SCAF11: variants seen among roughly 807,000 people sequenced by gnomAD.
The protein encoded by SCAF11 is protein SCAF11.
In SCAF11, 47 loss-of-function variants were observed where a neutral mutation model predicts 140.5. The ratio of observed to expected loss-of-function variants is 0.33; its 90% CI spans 0.26 to 0.43. SCAF11 has a LOEUF of 0.43. Among genes scored for constraint, SCAF11 ranks in the 20% least tolerant of loss-of-function variants. The probability of loss-of-function intolerance (pLI) is 1.00; values close to 1 mark genes in which losing one functional copy is unlikely to be tolerated. For synonymous variants in SCAF11, 557 were observed against 579.4 expected (o/e 0.96, Z 0.55); for missense variants, 1,645 against 1,705.1 (o/e 0.96, Z 0.62).
At chr12:45,961,308 C>T (rs899177630) in intron 3 of SCAF11, 13 of 715,396 alleles carry the variant, frequency 1.8e-5, no homozygotes, top group Non-Finnish European at 3.4e-5. Flanking sequence ...ATCAAATAAC[C>T]TATGTGAAAA....
chr12:45,934,638 T>A, intron 6 of SCAF11, 133 bp from the exon 7 acceptor site: 1 of 511,194 alleles, frequency 2.0e-6, no homozygotes, highest in South Asian at 4.8e-5. Flanking sequence ...TAATACACAA[T>A]TTTTTACACA....
chr12:45,991,920 G>T, upstream of SCAF11: 5 of 1,287,510 alleles, frequency 3.9e-6, no homozygotes, highest in Non-Finnish European at 5.1e-6. Flanking sequence ...GCGCTCACAC[G>T]TTTTCCTGTC....
intron 9 of SCAF11, among the ~76,000 whole-genome samples, chr12:45,931,994 T>C (rs773916257): frequency 1.3e-5 from 2 of 152,110 alleles, no homozygotes; most frequent in Non-Finnish European, 2.9e-5. Context: ...CAACATAAAA[T>C]GCAGACTTTA....
chr12:45,970,189 C>T (rs1304864116), intron 1 of SCAF11, among the ~76,000 whole-genome samples: 2 of 152,098 alleles, frequency 1.3e-5, no homozygotes, highest in East Asian at 1.9e-4. Context: ...CCACCGCGCC[C>T]GGCCTCAACT....
Position 45,926,832 on chromosome 12 carries a change from T to C in SCAF11, c.2869A>G (p.Ile957Val), listed in dbSNP as rs1944878184. Reference protein sequence around the residue: ...TKSKSSSFGRIDRDSYSPRWK... With the variant: ...TKSKSSSFGRVDRDSYSPRWK... ...CGGGGAGAGTAACTATCTCTGTCAA[T>C]TCTACCAAATGATGAACTCTTACTT... The change falls in exon 11 of 15, where the codon ATT becomes GTT. Residue 957 changes from isoleucine to valine, a missense_variant. Around this residue, in one of 2 missense-constraint regions of SCAF11, gnomAD observed 1,582 missense variants for 1,609.2 expected, o/e 0.98. Transcript: ENST00000369367. 2.5e-6 allele frequency: 4 copies of C among 1,614,186 alleles called. No individual in the cohort carries two copies. Among genetic ancestry groups the C allele is most frequent in the Non-Finnish European group, 3.4e-6 (4 of 1,180,032 alleles).
rs1945420845 is a variant in SCAF11, at chr12:45,946,248, G to A, written c.399-935C>T. ...TGGTAAAAAGTATCAGAAACAGAGA[G>A]GTCCCAGGGTTTTATTGCTTTGGAA... On this transcript the variant is annotated intron_variant, in intron 5 of 14. Transcript: ENST00000369367. Among the ~76,000 whole-genome samples, 6 of 152,130 alleles carry A rather than the reference G, an allele frequency of 3.9e-5. No homozygotes were observed. The South Asian group carries it at 1.2e-3, about 32-fold the overall frequency.
Position 45,922,463 on chromosome 12 carries a change from T to A in SCAF11, c.4245A>T (p.Lys1415Asn). The A allele has an allele frequency of 1.9e-6, 3 of 1,600,512 alleles. No individual in the cohort carries two copies. Among genetic ancestry groups the A allele is most frequent in the Non-Finnish European group, 2.5e-6 (3 of 1,177,602 alleles). ...ATACTCCACTAAAGCCATAACTTAC[T>A]TTATCTACTGCTTTCCGTACAATTT... ...YKEIVRKAVD[K>N]VCHSKSGEVN... Residue 1415 changes from lysine (K) to asparagine (N), a missense_variant and splice_region_variant, in exon 14 of 15, where the codon AAA becomes AAT. Coordinates refer to ENST00000369367, the MANE Select transcript of SCAF11 (RefSeq NM_004719.3).
intron 3 of SCAF11, chr12:45,954,943 T>TA (rs1945649323): frequency 6.6e-6 from 1 of 151,216 alleles, no homozygotes; most frequent in Admixed American, 6.6e-5. Context: ...CCCCCCCTTT[T>TA]TTTTCCTTAA....
At position 45,961,229 on chromosome 12, in the gene SCAF11, T is replaced by G. The variant is rs1945817682; in HGVS notation, c.219+471A>C. On this transcript the variant is annotated intron_variant, in intron 3 of 14. Transcript: ENST00000369367. ...CATAGAACATAAAATCCAAGTTTCC[T>G]CATCTGTAAAATGGAAGGACACTAT... 1.0e-5 allele frequency: 7 copies of G among 681,880 alleles called. No individual in the cohort carries two copies. The Admixed American group carries it at 1.2e-4, about 11-fold the overall frequency. 42.2% of individuals were successfully genotyped at this position (681,880 alleles called of 1,614,324 possible). A position where few individuals can be genotyped will look rare whatever the true frequency, so the allele number is the denominator to read the frequency against.
chr12:45,964,405 C>T (rs568715420), intron 1 of SCAF11, among the ~76,000 whole-genome samples: 1 of 152,144 alleles, frequency 6.6e-6, no homozygotes, highest in African/African-American at 2.4e-5. Flanking sequence ...CGGTGGCTCA[C>T]GCCTGTAATC....
chr12:45,926,338 T>C lies in SCAF11; in HGVS notation c.3363A>G (p.Gln1121=), dbSNP rs1363059650. 5 of 1,614,078 alleles carry C rather than the reference T, an allele frequency of 3.1e-6. No homozygotes were observed. The highest frequency in any genetic ancestry group is 2.7e-5 in the African/African-American group (2 of 74,914). ...GSESFKFVEQ[Q]SYKRKSEQEF... is the part of the protein sequence containing the mutation. Reference sequence around the variant, plus strand: ...CCTGTTCACTTTTTCGCTTATAGGATTGCTGTTCCACAAACTTGAAAGATT... The same window carrying C: ...CCTGTTCACTTTTTCGCTTATAGGACTGCTGTTCCACAAACTTGAAAGATT... Residue 1121 remains glutamine (Q), a synonymous_variant, in exon 11 of 15, where the codon CAA becomes CAG. Transcript: ENST00000369367.
At chr12:45,967,760 C>G (rs927277083) in intron 1 of SCAF11, among the ~76,000 whole-genome samples, 3 of 152,172 alleles carry the variant, frequency 2.0e-5, no homozygotes, top group African/African-American at 7.2e-5. Flanking sequence ...AATGATTATG[C>G]CATGTTACTA....
intron 3 of SCAF11, among the ~76,000 whole-genome samples, chr12:45,958,219 A>G (rs564447214): frequency 5.9e-5 from 9 of 152,252 alleles, no homozygotes; most frequent in Admixed American, 4.6e-4. Flanking sequence ...AATCCCATTT[A>G]CTTAACCTGT....
At chr12:45,972,564 C>T (rs1041111662) in intron 1 of SCAF11, among the ~76,000 whole-genome samples, 7 of 133,962 alleles carry the variant, frequency 5.2e-5, no homozygotes, top group African/African-American at 1.4e-4. Flanking sequence ...AGCCTGGATG[C>T]GACAGCAAAA....
chr12:45,925,223 G>A (rs1944830851), intron 11 of SCAF11, 149 bp from the exon 12 acceptor site: 1 of 629,264 alleles, frequency 1.6e-6, no homozygotes, highest in South Asian at 2.1e-5. Flanking sequence ...ATTTAATCCT[G>A]TCATTTCTAA....
chr12:45,967,780 T>C (rs1312157597), intron 1 of SCAF11, among the ~76,000 whole-genome samples: 3 of 152,260 alleles, frequency 2.0e-5, no homozygotes, highest in Non-Finnish European at 1.5e-5. Context: ...AATTTAGTCA[T>C]TTAAAATGAC....
At chr12:45,943,903 C>T (rs1372540844) in intron 6 of SCAF11, among the ~76,000 whole-genome samples, 1 of 152,076 alleles carries the variant, frequency 6.6e-6, no homozygotes, top group African/African-American at 2.4e-5. Flanking sequence ...TAATATGCCA[C>T]ATTCTAAACA....
intron 3 of SCAF11, chr12:45,955,602 A>C (rs1238014147): frequency 6.5e-6 from 1 of 152,874 alleles, no homozygotes; most frequent in Non-Finnish European, 1.5e-5. Flanking sequence ...TTCACATTTT[A>C]AACTAATGTA....
At chr12:45,951,180 A>C (rs186446140) in intron 4 of SCAF11, among the ~76,000 whole-genome samples, 411 of 152,198 alleles carry the variant, frequency 2.7e-3, no homozygotes, top group African/African-American at 9.5e-3. Context: ...TTTCAGGAAA[A>C]CACAGTTTTC....
Sources: allele counts gnomAD v4.1 joint callset (sites outside exome capture counted in the v4.1 genomes callset), GRCh38; gene constraint gnomAD v4.1.1; regional missense constraint gnomAD v4.1.1; transcripts MANE v1.5; gene names NCBI Gene and HGNC (gene_info 2026-07-23, HGNC 2026-07-21).